Variants in CDKAL1 observed in about 807,000 individuals in gnomAD.
CDKAL1 encodes the protein CDKAL1 threonylcarbamoyladenosine tRNA methylthiotransferase.
In CDKAL1, 32 loss-of-function variants were observed where a neutral mutation model predicts 68.2. That is an observed-to-expected ratio of 0.47 (90% confidence interval 0.35 to 0.63). The LOEUF (loss-of-function observed/expected upper bound fraction) is 0.63, where lower values mean the gene tolerates loss of function less well. Among genes scored for constraint, CDKAL1 ranks in the 30% least tolerant of loss-of-function variants. The pLI is 0.00. For synonymous variants in CDKAL1, 234 were observed against 244.3 expected (o/e 0.96, Z 0.39); for missense variants, 606 against 696.7 (o/e 0.87, Z 1.47).
chr6:21,160,656 C>CACACGT (rs1554189726), intron 13 of CDKAL1, among the ~76,000 whole-genome samples: 1 of 127,988 alleles, frequency 7.8e-6, no homozygotes. Flanking sequence ...CACACACACA[C>CACACGT]GTGTGTGTGT....
intron 8 of CDKAL1, among the ~76,000 whole-genome samples, chr6:20,781,828 G>T (rs893738882): frequency 2.6e-5 from 4 of 151,944 alleles, no homozygotes. Context: ...TGCATTTATT[G>T]AATTTTTGCA....
At chr6:20,913,283 A>G (rs1439404005) in intron 9 of CDKAL1, among the ~76,000 whole-genome samples, 1 of 152,164 alleles carries the variant, frequency 6.6e-6, no homozygotes, top group Non-Finnish European at 1.5e-5. Flanking sequence ...GGTCTCATCC[A>G]AAGACTCACA....
intron 4 of CDKAL1, among the ~76,000 whole-genome samples, chr6:20,553,041 C>T (rs1379453059): frequency 6.6e-6 from 1 of 151,942 alleles, no homozygotes; most frequent in African/African-American, 2.4e-5. Flanking sequence ...ATAAAATATA[C>T]CTTATGTATA....
intron 11 of CDKAL1, among the ~76,000 whole-genome samples, chr6:21,056,808 T>G (rs1003295428): frequency 6.6e-6 from 1 of 152,252 alleles, no homozygotes; most frequent in Non-Finnish European, 1.5e-5. Context: ...TATTTCTGTT[T>G]ATGTGATGAA....
intron 4 of CDKAL1, among the ~76,000 whole-genome samples, chr6:20,602,566 A>G (rs11964057): frequency 0.34 from 51,698 of 152,026 alleles, 9,290 homozygotes; most frequent in East Asian, 0.53. Context: ...TTTATCAACC[A>G]TCCTGAAAAT....
intron 5 of CDKAL1, among the ~76,000 whole-genome samples, chr6:20,674,934 G>A (rs572423035): frequency 5.1e-4 from 78 of 152,248 alleles, no homozygotes; most frequent in African/African-American, 1.9e-3. Flanking sequence ...GTGTGAGTGG[G>A]GAGTTTTGTT....
At chr6:21,066,648 G>C (rs1462489284) in intron 12 of CDKAL1, among the ~76,000 whole-genome samples, 1 of 152,086 alleles carries the variant, frequency 6.6e-6, no homozygotes, top group Non-Finnish European at 1.5e-5. Context: ...TTCAGACAGG[G>C]TATCGCTCTG....
intron 5 of CDKAL1, among the ~76,000 whole-genome samples, chr6:20,669,372 A>G (rs935715026): frequency 6.6e-6 from 1 of 152,152 alleles, no homozygotes; most frequent in African/African-American, 2.4e-5. Flanking sequence ...TATGTATTCA[A>G]TTATTTATAT....
At chr6:20,593,605 T>C (rs1191655679) in intron 4 of CDKAL1, among the ~76,000 whole-genome samples, 1 of 121,904 alleles carries the variant, frequency 8.2e-6, no homozygotes, top group African/African-American at 3.2e-5. Flanking sequence ...CATTAATCTT[T>C]AAAAAAAAAA....
chr6:20,562,032 G>A (rs928822146), intron 4 of CDKAL1, among the ~76,000 whole-genome samples: 2 of 152,146 alleles, frequency 1.3e-5, no homozygotes, highest in Non-Finnish European at 2.9e-5. Flanking sequence ...AGCAGTAATT[G>A]CTTTCAATTT....
intron 4 of CDKAL1, among the ~76,000 whole-genome samples, chr6:20,589,932 C>A (rs1020739136): frequency 1.3e-5 from 2 of 152,136 alleles, no homozygotes; most frequent in African/African-American, 4.8e-5. Flanking sequence ...CCAAGAGCCA[C>A]TTTGCTTGCC....
At chr6:20,955,638 C>A in intron 10 of CDKAL1, 53 bp downstream of exon 10, 2 of 1,502,188 alleles carry the variant, frequency 1.3e-6, no homozygotes, top group Non-Finnish European at 9.1e-7. Context: ...CCAGTCCAGA[C>A]AGTGTGGCAG....
chr6:20,890,270 T>G (rs568104073), intron 9 of CDKAL1, among the ~76,000 whole-genome samples: 31 of 152,346 alleles, frequency 2.0e-4, no homozygotes, highest in African/African-American at 7.2e-4. Context: ...AGCTACATCT[T>G]GATGTTTCTT....
intron 4 of CDKAL1, among the ~76,000 whole-genome samples, chr6:20,627,236 AAAT>A (rs1282702377): frequency 6.6e-6 from 1 of 152,182 alleles, no homozygotes; most frequent in East Asian, 1.9e-4. Flanking sequence ...CTAAGAAGAC[AAAT>A]ATATACTTCC....
At chr6:20,956,301 G>A (rs114749110) in intron 10 of CDKAL1, among the ~76,000 whole-genome samples, 1,798 of 152,306 alleles carry the variant, frequency 0.012, 29 homozygotes, top group African/African-American at 0.038. Flanking sequence ...TTACCCTTAA[G>A]TAGCTGTGTC....
chr6:20,691,808 T>C (rs981966856), intron 5 of CDKAL1, among the ~76,000 whole-genome samples: 3 of 152,156 alleles, frequency 2.0e-5, no homozygotes, highest in African/African-American at 7.2e-5. Context: ...AGATTTGGAG[T>C]TGGGTGAGAA....
chr6:20,625,775 A>G (rs1767402148), intron 4 of CDKAL1, among the ~76,000 whole-genome samples: 1 of 152,172 alleles, frequency 6.6e-6, no homozygotes, highest in African/African-American at 2.4e-5. Flanking sequence ...AGTAAAGATT[A>G]TAGATTATCA....
chr6:20,920,317 T>C (rs1220197454), intron 9 of CDKAL1, among the ~76,000 whole-genome samples: 10 of 152,132 alleles, frequency 6.6e-5, no homozygotes, highest in African/African-American at 2.4e-4. Context: ...AAGTGCAGAC[T>C]GAGTTAAAAA....
chr6:21,050,967 T>G (rs887652024), intron 11 of CDKAL1, among the ~76,000 whole-genome samples: 1 of 152,226 alleles, frequency 6.6e-6, no homozygotes, highest in African/African-American at 2.4e-5. Context: ...ATTTATTCAT[T>G]TATAGGAATA....
Sources: gnomAD v4.1 joint callset for allele counts (sites outside exome capture counted in the v4.1 genomes callset) on GRCh38, gnomAD v4.1.1 for gene constraint, MANE v1.5 for transcripts, NCBI Gene and HGNC (gene_info 2026-07-23, HGNC 2026-07-21) for gene names.